The following NBAS variants were observed in gnomAD, a reference collection of about 807,000 sequenced individuals.
The protein encoded by NBAS is NBAS subunit of NRZ tethering complex, also known as NAG/BC035112 fusion.
A neutral mutation model predicts 302.5 loss-of-function variants in NBAS; 219 were observed. The ratio of observed to expected loss-of-function variants is 0.72; its 90% CI spans 0.65 to 0.81. NBAS has a LOEUF of 0.81. NBAS is among the 30% of genes least tolerant of loss of function. NBAS has a pLI of 0.00. For missense variants in NBAS, 2,932 were observed against 2,841.6 expected (o/e 1.03, Z -0.72); for synonymous variants, 1,118 against 1,021.6 (o/e 1.09, Z -1.80).
chr2:15,417,418 A>G, intron 24 of NBAS, 109 bp downstream of exon 24: 3 of 921,692 alleles, frequency 3.3e-6, no homozygotes, highest in Non-Finnish European at 3.3e-6. Flanking sequence ...TTTATTTACT[A>G]ACTTCTCAGG....
At chr2:15,073,180 T>C in the NBAS span, among the ~76,000 whole-genome samples, 20 of 151,810 alleles carry the variant, frequency 1.3e-4, no homozygotes, top group Non-Finnish European at 2.4e-4. Context: ...GTATCTTAGC[T>C]TTAAGAAGTA....
the NBAS span, among the ~76,000 whole-genome samples, chr2:14,884,403 A>G: frequency 1.2e-4 from 19 of 152,160 alleles, no homozygotes; most frequent in African/African-American, 3.9e-4. Flanking sequence ...TTTTCACAGC[A>G]CACTCATGAG....
At chr2:15,554,767 C>A (rs1462322773) in intron 3 of NBAS, among the ~76,000 whole-genome samples, 1 of 151,662 alleles carries the variant, frequency 6.6e-6, no homozygotes, top group East Asian at 1.9e-4. Flanking sequence ...AGACTCTCTT[C>A]TCTCCCTGGA....
At chr2:14,923,628 A>G in the NBAS span, among the ~76,000 whole-genome samples, 1 of 152,194 alleles carries the variant, frequency 6.6e-6, no homozygotes, top group African/African-American at 2.4e-5. Flanking sequence ...GCCAAAGAAG[A>G]CATTTCACAA....
chr2:15,338,997 A>G (rs1379003840), intron 35 of NBAS, among the ~76,000 whole-genome samples: 1 of 152,152 alleles, frequency 6.6e-6, no homozygotes, highest in Non-Finnish European at 1.5e-5. Flanking sequence ...CATTGGTGAC[A>G]CAGCCAAACC....
intron 12 of NBAS, among the ~76,000 whole-genome samples, chr2:15,483,093 TG>T (rs1172126067): frequency 6.6e-6 from 1 of 152,186 alleles, no homozygotes; most frequent in Non-Finnish European, 1.5e-5. Flanking sequence ...ATTTGCTAAT[TG>T]TTTTTACCAC....
intron 48 of NBAS, among the ~76,000 whole-genome samples, chr2:15,199,044 G>A (rs62121510): frequency 0.29 from 42,790 of 149,624 alleles, 6,676 homozygotes; most frequent in African/African-American, 0.43. Flanking sequence ...GGAGAAAGGC[G>A]TGAACCCATG....
At chr2:15,031,593 T>C in the NBAS span, among the ~76,000 whole-genome samples, 1 of 152,158 alleles carries the variant, frequency 6.6e-6, no homozygotes, top group Non-Finnish European at 1.5e-5. Context: ...AGGCAGTTGG[T>C]GTGCCATCTC....
chr2:15,558,661 C>A, intron 1 of NBAS, 27 bp from the exon 2 acceptor site: 8 of 1,566,542 alleles, frequency 5.1e-6, no homozygotes, highest in Non-Finnish European at 7.0e-6. Context: ...AAAACACTTA[C>A]ATTTGAATCT....
At chr2:15,084,362 C>T in the NBAS span, among the ~76,000 whole-genome samples, 4 of 152,172 alleles carry the variant, frequency 2.6e-5, no homozygotes, top group Non-Finnish European at 5.9e-5. Context: ...AGCACCTGGC[C>T]CAGTTGCTTT....
At chr2:15,136,872 C>T in the NBAS span, among the ~76,000 whole-genome samples, 1 of 152,306 alleles carries the variant, frequency 6.6e-6, no homozygotes, top group Non-Finnish European at 1.5e-5. Context: ...CTCTCTCCTG[C>T]TGCCATGTAA....
intron 42 of NBAS, 99 bp downstream of exon 42, chr2:15,286,974 G>C: frequency 9.9e-7 from 1 of 1,007,448 alleles, no homozygotes; most frequent in Non-Finnish European, 1.6e-6. Flanking sequence ...TAGATTAAAG[G>C]AAAACTAAAA....
At chr2:15,268,159 C>T (rs1220953854) in intron 44 of NBAS, among the ~76,000 whole-genome samples, 7 of 152,292 alleles carry the variant, frequency 4.6e-5, no homozygotes, top group South Asian at 2.1e-4. Context: ...AGGAAGCTCC[C>T]GCTATGAGTC....
chr2:14,888,439 C>T, the NBAS span, among the ~76,000 whole-genome samples: 5 of 150,224 alleles, frequency 3.3e-5, no homozygotes, highest in Non-Finnish European at 5.9e-5. Flanking sequence ...CCCTGAGCCA[C>T]GGCACCCGGC....
the NBAS span, among the ~76,000 whole-genome samples, chr2:14,957,761 G>C: frequency 6.6e-6 from 1 of 152,140 alleles, no homozygotes; most frequent in African/African-American, 2.4e-5. Flanking sequence ...CTACAGATAA[G>C]TCAGCCCCCT....
chr2:14,964,934 T>C, the NBAS span, among the ~76,000 whole-genome samples: 3 of 152,138 alleles, frequency 2.0e-5, no homozygotes, highest in Non-Finnish European at 4.4e-5. Flanking sequence ...CACTTCTGAA[T>C]ACCATATAAT....
At chr2:15,218,411 A>C (rs1450394894) in intron 48 of NBAS, among the ~76,000 whole-genome samples, 1 of 152,116 alleles carries the variant, frequency 6.6e-6, no homozygotes, top group Non-Finnish European at 1.5e-5. Context: ...TCAAGAACTG[A>C]CCTCCAACTA....
chr2:14,961,865 A>G, the NBAS span, among the ~76,000 whole-genome samples: 1 of 151,994 alleles, frequency 6.6e-6, no homozygotes, highest in African/African-American at 2.4e-5. Context: ...TGCAACCTCC[A>G]CCTCTCAGGT....
chr2:15,499,968 C>T (rs1661430202), intron 11 of NBAS, among the ~76,000 whole-genome samples: 1 of 152,148 alleles, frequency 6.6e-6, no homozygotes, highest in Non-Finnish European at 1.5e-5. Context: ...CCACTAGCTC[C>T]AATACCCATT....
Sources: allele counts gnomAD v4.1 joint callset (sites outside exome capture counted in the v4.1 genomes callset), GRCh38; gene constraint gnomAD v4.1.1; transcripts MANE v1.5; gene names NCBI Gene and HGNC (gene_info 2026-07-23, HGNC 2026-07-21).